SHTN1: variants seen among roughly 807,000 people sequenced by gnomAD.
SHTN1 encodes the protein shootin-1.
In SHTN1, 42 loss-of-function variants were observed where a neutral mutation model predicts 83.1. The ratio of observed to expected loss-of-function variants is 0.51; its 90% CI spans 0.39 to 0.65. The LOEUF (loss-of-function observed/expected upper bound fraction) is 0.65, where lower values mean the gene tolerates loss of function less well. Ranked by LOEUF, SHTN1 falls within the 30% of genes least tolerant of loss-of-function variation. The pLI, the probability that SHTN1 is intolerant of heterozygous loss-of-function variation, is 0.00. For missense variants in SHTN1, 622 were observed against 737.8 expected, an observed-to-expected ratio of 0.84 and a Z score of 1.82; for synonymous variants, 224 against 247.7, an observed-to-expected ratio of 0.90 and a Z score of 0.90.
At chr10:116,923,075 A>G (rs930850848) in intron 11 of SHTN1, among the ~76,000 whole-genome samples, 3 of 152,250 alleles carry the variant, frequency 2.0e-5, no homozygotes, top group Non-Finnish European at 4.4e-5. Context: ...ACAGATATTT[A>G]CAATAGTTTA....
chr10:117,097,525 A>G (rs1000122618), intron 1 of SHTN1, among the ~76,000 whole-genome samples: 10 of 152,372 alleles, frequency 6.6e-5, no homozygotes, highest in Non-Finnish European at 1.3e-4. Flanking sequence ...TGCTAATGAG[A>G]TGCATGATCT....
At chr10:116,980,592 A>C (rs552467313) in intron 1 of SHTN1, among the ~76,000 whole-genome samples, 11 of 152,224 alleles carry the variant, frequency 7.2e-5, no homozygotes, top group East Asian at 3.9e-4. Context: ...AGAAAAAAAA[A>C]CAAAAAAACA....
intron 1 of SHTN1, among the ~76,000 whole-genome samples, chr10:117,121,244 T>C (rs1354922206): frequency 6.6e-6 from 1 of 152,266 alleles, no homozygotes; most frequent in Non-Finnish European, 1.5e-5. Context: ...CTATAATCTA[T>C]ATTTTGTGTA....
At chr10:117,009,034 G>C (rs967570736), upstream of SHTN1, among the ~76,000 whole-genome samples, 1 of 152,150 alleles carries the variant, frequency 6.6e-6, no homozygotes, top group Non-Finnish European at 1.5e-5. Context: ...AGAATCACTT[G>C]AACTCAGGAG....
intron 1 of SHTN1, among the ~76,000 whole-genome samples, chr10:117,064,809 G>A (rs2133597888): frequency 6.6e-6 from 1 of 152,288 alleles, no homozygotes; most frequent in South Asian, 2.1e-4. Flanking sequence ...CTTACTGTCT[G>A]TTCTTTGGGA....
At chr10:117,047,079 T>G (rs1852674075) in intron 2 of SHTN1, among the ~76,000 whole-genome samples, 2 of 152,132 alleles carry the variant, frequency 1.3e-5, no homozygotes, top group South Asian at 4.1e-4. Context: ...TATATATATT[T>G]TTTGAGACAG....
chr10:117,055,524 T>G (rs958590727), intron 1 of SHTN1, among the ~76,000 whole-genome samples: 3 of 152,204 alleles, frequency 2.0e-5, no homozygotes, highest in Non-Finnish European at 4.4e-5. Flanking sequence ...ATAGTGGTGC[T>G]TGTTGCACAA....
chr10:116,927,941 AT>A, intron 10 of SHTN1, 50 bp from the exon 11 acceptor site: 4 of 1,596,288 alleles, frequency 2.5e-6, no homozygotes, highest in Non-Finnish European at 3.4e-6. Context: ...GCAACTAAAC[AT>A]TGTTTATACA....
chr10:116,953,221 A>G (rs967369094), intron 5 of SHTN1, among the ~76,000 whole-genome samples: 4 of 152,238 alleles, frequency 2.6e-5, no homozygotes, highest in Non-Finnish European at 4.4e-5. Flanking sequence ...AAACATGTGT[A>G]TGAGTAAAAT....
intron 9 of SHTN1, among the ~76,000 whole-genome samples, chr10:116,933,885 T>A (rs1025191619): frequency 6.6e-6 from 1 of 152,232 alleles, no homozygotes; most frequent in African/African-American, 2.4e-5. Context: ...TGGTATCTCA[T>A]TGTGGTTTTG....
At chr10:117,017,117 G>T (rs1371515933) in intron 2 of SHTN1, among the ~76,000 whole-genome samples, 1 of 152,108 alleles carries the variant, frequency 6.6e-6, no homozygotes, top group Admixed American at 6.6e-5. Flanking sequence ...AAGAAGAAAA[G>T]ATGTAGGGCA....
chr10:116,995,432 C>T (rs1418902723), intron 1 of SHTN1, among the ~76,000 whole-genome samples: 1 of 152,142 alleles, frequency 6.6e-6, no homozygotes, highest in African/African-American at 2.4e-5. Context: ...TTATTAGAAA[C>T]ACTACTGATT....
intron 9 of SHTN1, among the ~76,000 whole-genome samples, chr10:116,932,747 AAG>A (rs1248330548): frequency 6.6e-6 from 1 of 152,186 alleles, no homozygotes; most frequent in African/African-American, 2.4e-5. Context: ...CTGTACATGA[AAG>A]ACTGTAAGAA....
intron 11 of SHTN1, among the ~76,000 whole-genome samples, chr10:116,925,007 C>T (rs191033448): frequency 2.0e-5 from 3 of 152,164 alleles, no homozygotes; most frequent in East Asian, 1.9e-4. Context: ...CCGCCCGCCT[C>T]GGCCTCCCAA....
chr10:117,041,179 GA>G (rs1169002888), intron 2 of SHTN1, among the ~76,000 whole-genome samples: 9 of 151,942 alleles, frequency 5.9e-5, no homozygotes, highest in Middle Eastern at 6.8e-3. Context: ...ACCTCTTGAG[GA>G]CAAGGCCTGT....
intron 2 of SHTN1, among the ~76,000 whole-genome samples, chr10:116,978,536 T>C (rs1473136498): frequency 6.6e-6 from 1 of 151,832 alleles, no homozygotes; most frequent in African/African-American, 2.4e-5. Flanking sequence ...ATTCAGTCCC[T>C]CTACGTTTCT....
intron 15 of SHTN1, 30 bp downstream of exon 15, chr10:116,906,597 A>G (rs1847980208): frequency 6.3e-7 from 1 of 1,583,234 alleles, no homozygotes; most frequent in Non-Finnish European, 8.6e-7. Context: ...AGATGAAGAG[A>G]AGGACTGTGG....
At chr10:116,891,195 G>A (rs545707080) in intron 16 of SHTN1, among the ~76,000 whole-genome samples, 18 of 152,184 alleles carry the variant, frequency 1.2e-4, no homozygotes, top group East Asian at 1.9e-4. Context: ...ACTTTTAAGC[G>A]GTGAGAGTTA....
intron 1 of SHTN1, among the ~76,000 whole-genome samples, chr10:117,072,204 T>C (rs538417894): frequency 2.6e-5 from 4 of 152,262 alleles, no homozygotes; most frequent in African/African-American, 4.8e-5. Flanking sequence ...GCCTCAAACA[T>C]TGGATTACAA....
Sources: allele counts gnomAD v4.1 joint callset (sites outside exome capture counted in the v4.1 genomes callset), GRCh38; gene constraint gnomAD v4.1.1; transcripts MANE v1.5; gene names NCBI Gene and HGNC (gene_info 2026-07-23, HGNC 2026-07-21).